Variants in LRRC4C observed in about 807,000 individuals in gnomAD.
LRRC4C encodes the protein leucine-rich repeat-containing protein 4C.
A neutral mutation model predicts 33.6 loss-of-function variants in LRRC4C; 5 were observed. That is an observed-to-expected ratio of 0.15 (90% CI 0.08 to 0.31). The LOEUF (loss-of-function observed/expected upper bound fraction) is 0.31. Ranked by LOEUF, LRRC4C falls within the 10% of genes least tolerant of loss-of-function variation. The pLI is 1.00. For synonymous variants in LRRC4C, 329 were observed against 302.0 expected, an observed-to-expected ratio of 1.09 and a Z score of -0.93; for missense variants, 560 against 796.7, an observed-to-expected ratio of 0.70 and a Z score of 3.58.
At chr11:40,216,466 A>T (rs779288369) in intron 5 of LRRC4C, among the ~76,000 whole-genome samples, 1 of 152,080 alleles carries the variant, frequency 6.6e-6, no homozygotes, top group Admixed American at 6.6e-5. Flanking sequence ...TAGAGTTTTA[A>T]TTTTTTTGTC....
intron 1 of LRRC4C, among the ~76,000 whole-genome samples, chr11:41,252,780 C>T (rs1011529527): frequency 5.9e-5 from 9 of 152,172 alleles, no homozygotes; most frequent in Middle Eastern, 3.4e-3. Flanking sequence ...AGAAGGTGAA[C>T]GAGGAGCAAA....
At chr11:40,900,598 T>G (rs908207803) in intron 2 of LRRC4C, among the ~76,000 whole-genome samples, 3 of 152,082 alleles carry the variant, frequency 2.0e-5, no homozygotes, top group South Asian at 4.1e-4. Flanking sequence ...TCTATTTCTC[T>G]GTTTCCAAAA....
chr11:41,055,300 C>T, intron 1 of LRRC4C, among the ~76,000 whole-genome samples: 1 of 152,078 alleles, frequency 6.6e-6, no homozygotes, highest in Non-Finnish European at 1.5e-5. Context: ...TGTTTAAATA[C>T]AGCATAACTT....
intron 3 of LRRC4C, among the ~76,000 whole-genome samples, chr11:40,615,241 TATA>T (rs1200013668): frequency 7.7e-4 from 54 of 70,348 alleles, no homozygotes; most frequent in African/African-American, 2.8e-3. Flanking sequence ...ATTTATTTTA[TATA>T]TATATATATA....
intron 3 of LRRC4C, among the ~76,000 whole-genome samples, chr11:40,472,614 G>T (rs950452226): frequency 6.6e-6 from 1 of 151,570 alleles, no homozygotes; most frequent in African/African-American, 2.4e-5. Flanking sequence ...TAAGATCAGA[G>T]CAGAACTGAA....
chr11:41,202,818 C>T (rs1946453337), intron 1 of LRRC4C, among the ~76,000 whole-genome samples: 2 of 151,168 alleles, frequency 1.3e-5, no homozygotes, highest in African/African-American at 4.9e-5. Flanking sequence ...CACAGTCTCG[C>T]TCTTTCACCC....
chr11:41,040,881 T>A (rs1418336710), intron 1 of LRRC4C, among the ~76,000 whole-genome samples: 1 of 152,210 alleles, frequency 6.6e-6, no homozygotes, highest in Non-Finnish European at 1.5e-5. Flanking sequence ...CTTCCTAGTT[T>A]AAGACTTTTT....
intron 2 of LRRC4C, among the ~76,000 whole-genome samples, chr11:40,914,846 CA>C (rs1956872476): frequency 6.6e-6 from 1 of 152,148 alleles, no homozygotes; most frequent in Non-Finnish European, 1.5e-5. Flanking sequence ...GCAACTTCAG[CA>C]AAGTCTCAGG....
intron 1 of LRRC4C, among the ~76,000 whole-genome samples, chr11:41,384,534 C>T (rs1448047619): frequency 6.6e-6 from 1 of 151,408 alleles, no homozygotes; most frequent in Non-Finnish European, 1.5e-5. Flanking sequence ...TGTCATTTCT[C>T]AAGGCATTAC....
rs180743767 is a variant in LRRC4C, at chr11:41,248,067, T to G, written c.-496+211364A>C. Among the ~76,000 whole-genome samples the G allele has an allele frequency of 4.3e-3, 650 of 152,254 alleles. 1 individual carries two copies. Among genetic ancestry groups the G allele is most frequent in the Non-Finnish European group, 6.1e-3 (412 of 68,016 alleles). On this transcript the variant is annotated intron_variant, in intron 1 of 6. Coordinates refer to ENST00000528697, the MANE Select transcript of LRRC4C (RefSeq NM_001258419.2). ...TTAAAGGCAAAGCGAAAAGAGGGTG[T>G]GGATGAAACAGTAGAGTCAAGAACC...
intron 1 of LRRC4C, among the ~76,000 whole-genome samples, chr11:41,408,996 T>C (rs1456353340): frequency 6.6e-6 from 1 of 152,156 alleles, no homozygotes; most frequent in African/African-American, 2.4e-5. Context: ...CGAATGCCTC[T>C]TTCAGGTTTC....
At chr11:40,349,380 T>C (rs1947282068) in intron 3 of LRRC4C, among the ~76,000 whole-genome samples, 1 of 150,840 alleles carries the variant, frequency 6.6e-6, no homozygotes, top group Non-Finnish European at 1.5e-5. Context: ...TCCGTCTATG[T>C]TGCTGCAAAT....
At chr11:40,306,296 C>T (rs887161076) in intron 4 of LRRC4C, among the ~76,000 whole-genome samples, 1 of 152,078 alleles carries the variant, frequency 6.6e-6, no homozygotes, top group African/African-American at 2.4e-5. Flanking sequence ...TATGGTGTGA[C>T]CTTGAACTAA....
chr11:41,052,440 C>T (rs1306636346), intron 1 of LRRC4C, among the ~76,000 whole-genome samples: 1 of 151,710 alleles, frequency 6.6e-6, no homozygotes. Context: ...ATCCAGTGCC[C>T]TAGTTTCTGC....
At chr11:41,206,322 C>A (rs1380685095) in intron 1 of LRRC4C, among the ~76,000 whole-genome samples, 1 of 152,114 alleles carries the variant, frequency 6.6e-6, no homozygotes, top group African/African-American at 2.4e-5. Flanking sequence ...TCACAGGCAG[C>A]CTCAACTCAA....
intron 1 of LRRC4C, among the ~76,000 whole-genome samples, chr11:41,448,185 A>G (rs1955899066): frequency 7.5e-6 from 1 of 134,184 alleles, no homozygotes; most frequent in Non-Finnish European, 1.6e-5. Context: ...CTGCTTTAAA[A>G]TTGAGAAATG....
intron 1 of LRRC4C, among the ~76,000 whole-genome samples, chr11:40,936,910 C>T (rs919664262): frequency 3.1e-4 from 47 of 152,218 alleles, no homozygotes; most frequent in African/African-American, 9.9e-4. Context: ...CATACAGCAG[C>T]GTTCCAAGAA....
At chr11:40,488,328 C>T (rs997819018) in intron 3 of LRRC4C, among the ~76,000 whole-genome samples, 11 of 152,112 alleles carry the variant, frequency 7.2e-5, no homozygotes, top group African/African-American at 2.6e-4. Context: ...TTCCTGGCAT[C>T]TTGCCTTGTA....
rs560941019 is a variant in LRRC4C at position 40,725,963 on chromosome 11, G to A, written c.-406-77685C>T. Among the ~76,000 whole-genome samples the A allele has an allele frequency of 3.9e-5, 6 of 152,132 alleles. No individual in the cohort carries two copies. In the South Asian group the frequency reaches 1.2e-3, roughly 32 times the overall value. On this transcript the variant is annotated intron_variant, in intron 2 of 6. Coordinates refer to ENST00000528697, the MANE Select transcript of LRRC4C (RefSeq NM_001258419.2). ...GTTGCAGGAACAAAATGACAAAAGT[G>A]ACATTACAACAAATCCCACAATAGA...
Sources: allele counts gnomAD v4.1 joint callset (sites outside exome capture counted in the v4.1 genomes callset), GRCh38; gene constraint gnomAD v4.1.1; transcripts MANE v1.5; gene names NCBI Gene and HGNC (gene_info 2026-07-23, HGNC 2026-07-21).